GRIN2A: variants seen among roughly 807,000 people sequenced by gnomAD.
GRIN2A encodes the protein glutamate receptor ionotropic, NMDA 2A.
Under a neutral mutation model 113.4 loss-of-function variants are expected in GRIN2A, and 22 were observed. The observed-to-expected ratio is 0.19, with a 90% CI of 0.14 to 0.28. The LOEUF (loss-of-function observed/expected upper bound fraction) is 0.28. Ranked by LOEUF, GRIN2A falls within the 10% of genes least tolerant of loss-of-function variation. The pLI is 1.00. For synonymous variants in GRIN2A, 827 were observed against 738.4 expected, an observed-to-expected ratio of 1.12 and a Z score of -1.94; for missense variants, 1,502 against 1,887.0, an observed-to-expected ratio of 0.80 and a Z score of 3.78.
At chr16:9,992,003 C>G (rs1046885228) in intron 2 of GRIN2A, among the ~76,000 whole-genome samples, 4 of 152,056 alleles carry the variant, frequency 2.6e-5, no homozygotes, top group Admixed American at 2.6e-4. Context: ...ACCACCATGG[C>G]ACATGTATAC....
At chr16:10,075,364 T>C (rs1360773512) in intron 2 of GRIN2A, among the ~76,000 whole-genome samples, 3 of 152,080 alleles carry the variant, frequency 2.0e-5, no homozygotes, top group Non-Finnish European at 2.9e-5. Flanking sequence ...TTTGTATGCC[T>C]CTACTTATAT....
At chr16:9,892,922 T>G in intron 3 of GRIN2A, among the ~76,000 whole-genome samples, 1 of 126,376 alleles carries the variant, frequency 7.9e-6, no homozygotes, top group Non-Finnish European at 1.6e-5. Context: ...CATCCAGAGA[T>G]GCTAAAAAGT....
chr16:9,901,445 A>G (rs1283376764), intron 3 of GRIN2A, among the ~76,000 whole-genome samples: 2 of 152,084 alleles, frequency 1.3e-5, no homozygotes, highest in Admixed American at 1.3e-4. Flanking sequence ...ATACGATATT[A>G]TTTGGGGAAA....
At position 10,173,274 on chromosome 16, in the gene GRIN2A, T is replaced by A. The variant is rs376488343; in HGVS notation, c.414+6724A>T. Among the ~76,000 whole-genome samples the A allele has an allele frequency of 2.5e-4, 38 of 152,328 alleles. 2 individuals carry two copies. The South Asian group carries it at 7.7e-3, about 31-fold the overall frequency. On this transcript the variant is annotated intron_variant, in intron 2 of 12. Coordinates refer to ENST00000330684, the MANE Select transcript of GRIN2A (RefSeq NM_001134407.3). The stretch of plus-strand genomic sequence containing the variant: ...ATTCCGATCTGTGCGTCTGCCCTTT[T>A]CGAGAGCTCTCAGTGTTTAATGGGA...
At chr16:9,884,140 G>A (rs1243011294) in intron 4 of GRIN2A, among the ~76,000 whole-genome samples, 6 of 152,064 alleles carry the variant, frequency 3.9e-5, no homozygotes, top group South Asian at 2.1e-4. Flanking sequence ...ATATCAAAAC[G>A]TCATGTGCAC....
At chr16:10,117,437 T>C (rs72776024) in intron 2 of GRIN2A, among the ~76,000 whole-genome samples, 11,275 of 152,238 alleles carry the variant, frequency 0.074, 551 homozygotes, top group Non-Finnish European at 0.11. Context: ...TGAAGCTGGA[T>C]GGTGAGTATA....
At chr16:9,971,365 C>T (rs545172475) in intron 2 of GRIN2A, among the ~76,000 whole-genome samples, 9 of 152,216 alleles carry the variant, frequency 5.9e-5, no homozygotes, top group Non-Finnish European at 8.8e-5. Flanking sequence ...CAGTGAGCTA[C>T]GCCCCCAAGC....
At chr16:9,995,892 G>T (rs1454216477) in intron 2 of GRIN2A, among the ~76,000 whole-genome samples, 1 of 151,864 alleles carries the variant, frequency 6.6e-6, no homozygotes, top group African/African-American at 2.4e-5. Flanking sequence ...ATAACAGAGG[G>T]ATTTGCAGGG....
chr16:9,887,846 G>C (rs2043614863), intron 4 of GRIN2A, among the ~76,000 whole-genome samples: 1 of 152,108 alleles, frequency 6.6e-6, no homozygotes. Flanking sequence ...ATCACTTGAG[G>C]TCAAGAGTCT....
chr16:10,080,657 A>G (rs1207897200), intron 2 of GRIN2A, among the ~76,000 whole-genome samples: 1 of 152,118 alleles, frequency 6.6e-6, no homozygotes, highest in Non-Finnish European at 1.5e-5. Flanking sequence ...ACACCACAGA[A>G]CACAAAGGGA....
At chr16:9,889,381 G>A (rs770215580) in intron 4 of GRIN2A, among the ~76,000 whole-genome samples, 2 of 152,076 alleles carry the variant, frequency 1.3e-5, no homozygotes, top group Non-Finnish European at 1.5e-5. Context: ...TATTGCTAGC[G>A]ACTGTGAATT....
At chr16:10,129,376 A>T (rs949642531) in intron 2 of GRIN2A, among the ~76,000 whole-genome samples, 3 of 151,936 alleles carry the variant, frequency 2.0e-5, no homozygotes, top group Non-Finnish European at 4.4e-5. Flanking sequence ...TTTGATTAAA[A>T]AAAAAACAAA....
chr16:10,039,808 G>GAGAAA (rs373952509), intron 2 of GRIN2A, among the ~76,000 whole-genome samples: 2 of 63,824 alleles, frequency 3.1e-5, no homozygotes, highest in Admixed American at 1.5e-4. Flanking sequence ...GGGAGGGGGG[G>GAGAAA]GAGAAAGAGA....
chr16:9,850,785 A>G (rs1295030246), intron 4 of GRIN2A, among the ~76,000 whole-genome samples: 1 of 152,180 alleles, frequency 6.6e-6, no homozygotes, highest in Non-Finnish European at 1.5e-5. Context: ...AATCGATTGT[A>G]TTCCCTCGGA....
At chr16:9,818,545 AATCAC>A (rs1017920049) in intron 10 of GRIN2A, among the ~76,000 whole-genome samples, 3 of 152,140 alleles carry the variant, frequency 2.0e-5, no homozygotes, top group Non-Finnish European at 4.4e-5. Context: ...AAATATTTGT[AATCAC>A]ATCACAAAAG....
At chr16:10,105,842 G>T (rs2048489858) in intron 2 of GRIN2A, among the ~76,000 whole-genome samples, 3 of 152,300 alleles carry the variant, frequency 2.0e-5, no homozygotes, top group South Asian at 4.1e-4. Context: ...AGGAGGTGGG[G>T]GTTGCAGACA....
chr16:9,826,179 A>C (rs2042384047), intron 9 of GRIN2A, among the ~76,000 whole-genome samples: 1 of 152,188 alleles, frequency 6.6e-6, no homozygotes, highest in African/African-American at 2.4e-5. Flanking sequence ...CTAAGGGGAT[A>C]CTGACATACA....
intron 2 of GRIN2A, among the ~76,000 whole-genome samples, chr16:10,103,493 C>A (rs990514504): frequency 6.6e-6 from 1 of 152,168 alleles, no homozygotes; most frequent in Non-Finnish European, 1.5e-5. Context: ...ATTACTAACC[C>A]CCAAAATATT....
At chr16:9,995,825 G>C (rs1021934434) in intron 2 of GRIN2A, among the ~76,000 whole-genome samples, 3 of 152,048 alleles carry the variant, frequency 2.0e-5, no homozygotes, top group Admixed American at 6.6e-5. Context: ...ATTTAAAGAG[G>C]GGATAGAGAA....
Sources: allele counts gnomAD v4.1 joint callset (sites outside exome capture counted in the v4.1 genomes callset), GRCh38; gene constraint gnomAD v4.1.1; transcripts MANE v1.5; gene names NCBI Gene and HGNC (gene_info 2026-07-23, HGNC 2026-07-21).